The following GALNT13 variants were observed in gnomAD, a reference collection of about 807,000 sequenced individuals.
GALNT13 encodes polypeptide N-acetylgalactosaminyltransferase 13.
Under a neutral mutation model 64.2 loss-of-function variants are expected in GALNT13, and 28 were observed. That is an observed-to-expected ratio of 0.44 (90% CI 0.32 to 0.60). GALNT13 has a LOEUF of 0.60. GALNT13 is among the 20% of genes least tolerant of loss of function. The pLI, the probability that GALNT13 is intolerant of heterozygous loss-of-function variation, is 0.05. For synonymous variants in GALNT13, 214 were observed against 224.6 expected (o/e 0.95, Z 0.42); for missense variants, 577 against 669.8 (o/e 0.86, Z 1.53).
chr2:153,119,725 G>T, the GALNT13 span, among the ~76,000 whole-genome samples: 1 of 152,304 alleles, frequency 6.6e-6, no homozygotes, highest in East Asian at 1.9e-4. Context: ...TTTGGGAGCA[G>T]CCTTGCCTGA....
chr2:153,703,603 C>T, the GALNT13 span, among the ~76,000 whole-genome samples: 1 of 151,990 alleles, frequency 6.6e-6, no homozygotes, highest in Non-Finnish European at 1.5e-5. Flanking sequence ...TCATGAACAT[C>T]TCTTGTTAGG....
At chr2:154,236,935 T>G (rs1689223835) in intron 4 of GALNT13, among the ~76,000 whole-genome samples, 1 of 152,030 alleles carries the variant, frequency 6.6e-6, no homozygotes, top group South Asian at 2.1e-4. Flanking sequence ...GAATGCAAGA[T>G]TAAGGCACAT....
chr2:153,809,822 C>T, the GALNT13 span, among the ~76,000 whole-genome samples: 2 of 152,204 alleles, frequency 1.3e-5, no homozygotes, highest in East Asian at 3.9e-4. Context: ...ACTTCACTTA[C>T]ATACTCGATC....
Position 154,396,033 on chromosome 2 carries a change from C to T in GALNT13, c.1199C>T (p.Thr400Ile), listed in dbSNP as rs764196167. Reference protein sequence around the residue: ...VDYGDVSVRKTLRENLKCKPF... With the variant: ...VDYGDVSVRKILRENLKCKPF... The stretch of plus-strand genomic sequence containing the variant: ...TATGGAGATGTGTCAGTCAGAAAAA[C>T]ACTAAGAGAAAATCTGAAGTGTAAG... Residue 400 changes from threonine to isoleucine, a missense_variant, in exon 10 of 13, where the codon ACA becomes ATA. Around this residue, in one of 3 missense-constraint regions of GALNT13, gnomAD observed 232 missense variants for 270.6 expected, o/e 0.86. Coordinates refer to ENST00000392825, the MANE Select transcript of GALNT13 (RefSeq NM_052917.4). 6.8e-6 allele frequency: 11 copies of T among 1,610,468 alleles called. No homozygotes were observed. The highest frequency in any genetic ancestry group is 1.6e-4 in the Middle Eastern group (1 of 6,076).
rs759092572 is a variant in GALNT13, at chr2:154,245,927, C to A, written c.802C>A (p.Pro268Thr). The change falls in exon 7 of 13, where the codon CCT (proline) becomes ACT (threonine). Residue 268 changes from proline (P) to threonine (T), a missense_variant. Pro to Thr is a conservative substitution (Grantham distance 38). This residue lies in a region of GALNT13 where 341 missense variants were observed against 379.3 expected (regional missense o/e 0.90). Transcript: ENST00000392825. ...CTGGAAACTGAATTTCCGCTGGTAT[C>A]CTGTTCCCCAAAGAGAAATGGACAG... is the stretch of plus-strand genomic sequence containing the variant. Reference protein sequence around the residue: ...FNWKLNFRWYPVPQREMDRRK... With the variant: ...FNWKLNFRWYTVPQREMDRRK... 5.0e-6 allele frequency: 8 copies of A among 1,613,156 alleles called. No homozygotes were observed. The African/African-American group carries it at 8.0e-5, about 16-fold the overall frequency.
the GALNT13 span, among the ~76,000 whole-genome samples, chr2:153,255,120 C>G: frequency 6.6e-6 from 1 of 151,672 alleles, no homozygotes; most frequent in African/African-American, 2.4e-5. Flanking sequence ...CTTTGTAGGT[C>G]ACTCAGGACT....
the GALNT13 span, among the ~76,000 whole-genome samples, chr2:153,167,131 C>T: frequency 1.2e-4 from 18 of 152,348 alleles, no homozygotes; most frequent in African/African-American, 4.1e-4. Flanking sequence ...AACCACTAGA[C>T]AAGAAACACA....
the GALNT13 span, among the ~76,000 whole-genome samples, chr2:153,433,097 G>T: frequency 6.6e-6 from 1 of 151,970 alleles, no homozygotes; most frequent in Non-Finnish European, 1.5e-5. Flanking sequence ...TACTGTAAGA[G>T]AATATGGAAA....
At chr2:153,616,247 G>A in the GALNT13 span, among the ~76,000 whole-genome samples, 5 of 151,754 alleles carry the variant, frequency 3.3e-5, no homozygotes, top group Admixed American at 3.3e-4. Flanking sequence ...CTGTAGGGGT[G>A]TGAATTTGTT....
the GALNT13 span, among the ~76,000 whole-genome samples, chr2:153,260,976 G>C: frequency 6.6e-6 from 1 of 151,900 alleles, no homozygotes; most frequent in Non-Finnish European, 1.5e-5. Flanking sequence ...GATTAGTTCT[G>C]ATGTTAAGAG....
At chr2:153,949,821 A>G (rs1019285667) in intron 3 of GALNT13, among the ~76,000 whole-genome samples, 4 of 152,082 alleles carry the variant, frequency 2.6e-5, no homozygotes, top group African/African-American at 9.7e-5. Context: ...TGTTTGGAAC[A>G]TTCTTTATAT....
the GALNT13 span, chr2:153,762,030 C>T: frequency 6.4e-6 from 1 of 155,292 alleles, no homozygotes; most frequent in Admixed American, 6.5e-5. Flanking sequence ...GAATCTTTTC[C>T]CCTCAAACTA....
At chr2:154,201,351 G>A (rs1687158012) in intron 4 of GALNT13, among the ~76,000 whole-genome samples, 1 of 152,088 alleles carries the variant, frequency 6.6e-6, no homozygotes, top group South Asian at 2.1e-4. Flanking sequence ...TGTTGCTGTT[G>A]CTTTCTTGAC....
the GALNT13 span, among the ~76,000 whole-genome samples, chr2:153,618,980 GTC>G: frequency 1.3e-5 from 2 of 151,882 alleles, no homozygotes; most frequent in East Asian, 3.9e-4. Context: ...CATTTAGCCA[GTC>G]TCTGTCTTTT....
chr2:154,067,450 C>A (rs1700525508), intron 3 of GALNT13, among the ~76,000 whole-genome samples: 1 of 151,974 alleles, frequency 6.6e-6, no homozygotes, highest in Non-Finnish European at 1.5e-5. Flanking sequence ...AAATGACATT[C>A]CATGCAAAGT....
At chr2:153,933,192 A>G (rs566168325) in intron 2 of GALNT13, among the ~76,000 whole-genome samples, 4 of 152,160 alleles carry the variant, frequency 2.6e-5, no homozygotes, top group East Asian at 3.9e-4. Flanking sequence ...TTCTGCCTCA[A>G]TGATCTGTCT....
intron 1 of GALNT13, among the ~76,000 whole-genome samples, chr2:153,893,714 A>G (rs879939504): frequency 5.3e-5 from 8 of 152,066 alleles, no homozygotes; most frequent in African/African-American, 1.7e-4. Flanking sequence ...TTATGACTAC[A>G]TGGCATTTCA....
chr2:154,010,451 G>A, intron 3 of GALNT13, among the ~76,000 whole-genome samples: 1 of 152,140 alleles, frequency 6.6e-6, no homozygotes, highest in East Asian at 1.9e-4. Flanking sequence ...ACTTGATCAG[G>A]GTGGATTAGC....
chr2:153,857,303 ACC>A, the GALNT13 span, among the ~76,000 whole-genome samples: 1 of 152,154 alleles, frequency 6.6e-6, no homozygotes, highest in East Asian at 1.9e-4. Flanking sequence ...TTACCAGCGT[ACC>A]ACTGATACAA....
Sources: allele counts gnomAD v4.1 joint callset (sites outside exome capture counted in the v4.1 genomes callset), GRCh38; gene constraint gnomAD v4.1.1; regional missense constraint gnomAD v4.1.1; transcripts MANE v1.5; gene names NCBI Gene and HGNC (gene_info 2026-07-23, HGNC 2026-07-21).